GPC5: variants seen among roughly 807,000 people sequenced by gnomAD.
The protein encoded by GPC5 is glypican-5.
In GPC5, 47 loss-of-function variants were observed where a neutral mutation model predicts 53.9. That is an observed-to-expected ratio of 0.87 (90% CI 0.69 to 1.11). GPC5 has a LOEUF of 1.11. Ranked by LOEUF, GPC5 falls within the 50% of genes most tolerant of loss-of-function variation. The pLI is 0.00. For synonymous variants in GPC5, 286 were observed against 263.3 expected, an observed-to-expected ratio of 1.09 and a Z score of -0.84; for missense variants, 748 against 713.1, an observed-to-expected ratio of 1.05 and a Z score of -0.56.
chr13:92,214,834 GGAGA>G (rs2042398706), intron 7 of GPC5, among the ~76,000 whole-genome samples: 1 of 152,186 alleles, frequency 6.6e-6, no homozygotes, highest in Admixed American at 6.5e-5. Context: ...TTACAATGTG[GGAGA>G]GAGAGAAGAG....
At chr13:91,536,167 A>C (rs1012219659) in intron 2 of GPC5, among the ~76,000 whole-genome samples, 3 of 152,204 alleles carry the variant, frequency 2.0e-5, no homozygotes, top group African/African-American at 7.2e-5. Context: ...TGTTGGAGGA[A>C]GAACATTTGA....
chr13:92,175,759 A>G (rs909996014), intron 7 of GPC5, among the ~76,000 whole-genome samples: 1 of 152,066 alleles, frequency 6.6e-6, no homozygotes. Flanking sequence ...AAACCTAACT[A>G]TTGCCCTTGC....
intron 5 of GPC5, among the ~76,000 whole-genome samples, chr13:91,807,533 T>C (rs1814743082): frequency 6.6e-6 from 1 of 152,180 alleles, no homozygotes; most frequent in South Asian, 2.1e-4. Context: ...ACAATTTTGT[T>C]TCTGCTACTT....
intron 7 of GPC5, among the ~76,000 whole-genome samples, chr13:92,588,710 C>T (rs538885096): frequency 8.1e-4 from 124 of 152,248 alleles, no homozygotes; most frequent in African/African-American, 2.9e-3. Flanking sequence ...CATAAGACAA[C>T]TTAGAGAGTA....
intron 7 of GPC5, among the ~76,000 whole-genome samples, chr13:92,299,665 G>GC (rs1566527296): frequency 1.3e-5 from 2 of 151,932 alleles, no homozygotes; most frequent in Non-Finnish European, 2.9e-5. Flanking sequence ...TATTCCTGAA[G>GC]CCCCCCAAAA....
intron 7 of GPC5, among the ~76,000 whole-genome samples, chr13:92,721,166 A>AT: frequency 3.3e-5 from 5 of 151,992 alleles, no homozygotes; most frequent in Non-Finnish European, 7.4e-5. Flanking sequence ...TTCCTGGTGC[A>AT]CAGGGAAGAT....
intron 6 of GPC5, among the ~76,000 whole-genome samples, chr13:91,952,745 G>A (rs180900466): frequency 1.3e-4 from 20 of 152,158 alleles, no homozygotes; most frequent in Admixed American, 4.6e-4. Context: ...AAAAAAATAC[G>A]TAGTTTGATA....
In GPC5 at chr13:92,815,588, A is replaced by G. The variant is rs543844798; in HGVS notation, c.1562-50694A>G. Among the ~76,000 whole-genome samples, 3 of 151,992 alleles carry G rather than the reference A, an allele frequency of 2.0e-5. No homozygotes were observed. The East Asian group carries it at 5.8e-4, about 29-fold the overall frequency. On this transcript the variant is annotated intron_variant, in intron 7 of 7. Coordinates refer to ENST00000377067, the MANE Select transcript of GPC5 (RefSeq NM_004466.6). ...ACCAGTGGAATACTATAAGCAGGAA[A>G]GTTACAGGAGTTATAGTTGTATGTA...
intron 2 of GPC5, among the ~76,000 whole-genome samples, chr13:91,678,639 T>C (rs894086363): frequency 2.0e-5 from 3 of 152,074 alleles, no homozygotes; most frequent in Non-Finnish European, 4.4e-5. Flanking sequence ...ATAAATATGA[T>C]CGATGACTTG....
At chr13:92,504,798 GAATTAAACTTCAC>G (rs1566619169) in intron 7 of GPC5, among the ~76,000 whole-genome samples, 1 of 148,918 alleles carries the variant, frequency 6.7e-6, no homozygotes, top group African/African-American at 2.4e-5. Flanking sequence ...AAAGAGCACT[GAATTAAACTTCAC>G]AATTTATCTA....
intron 2 of GPC5, among the ~76,000 whole-genome samples, chr13:91,562,792 C>A (rs922885753): frequency 1.3e-5 from 2 of 151,906 alleles, no homozygotes; most frequent in African/African-American, 2.4e-5. Context: ...GCAGTTTGTT[C>A]TTAAAAATAA....
At chr13:91,484,305 T>C (rs1883471546) in intron 2 of GPC5, among the ~76,000 whole-genome samples, 1 of 152,172 alleles carries the variant, frequency 6.6e-6, no homozygotes, top group African/African-American at 2.4e-5. Context: ...TTCCAAAAAA[T>C]GACTAAAAAT....
chr13:91,856,659 G>A (rs995091414), intron 5 of GPC5, among the ~76,000 whole-genome samples: 1 of 151,192 alleles, frequency 6.6e-6, no homozygotes, highest in African/African-American at 2.4e-5. Flanking sequence ...TGATTGATGT[G>A]TAGGATTTCT....
At chr13:91,657,532 A>T (rs1295818780) in intron 2 of GPC5, among the ~76,000 whole-genome samples, 3 of 152,148 alleles carry the variant, frequency 2.0e-5, no homozygotes, top group Non-Finnish European at 4.4e-5. Flanking sequence ...AGGATCCTAC[A>T]GTACACACGA....
intron 6 of GPC5, among the ~76,000 whole-genome samples, chr13:92,077,717 C>T (rs927319282): frequency 2.0e-5 from 3 of 152,094 alleles, no homozygotes; most frequent in African/African-American, 7.2e-5. Flanking sequence ...TGCAGAAAGT[C>T]TGCAAATGTG....
intron 7 of GPC5, among the ~76,000 whole-genome samples, chr13:92,157,446 G>T (rs1464616751): frequency 2.0e-5 from 3 of 152,156 alleles, no homozygotes; most frequent in African/African-American, 7.2e-5. Context: ...CTGCTTCCCT[G>T]ACATAGAGAC....
At chr13:91,680,406 A>C (rs1724569531) in intron 2 of GPC5, among the ~76,000 whole-genome samples, 1 of 152,184 alleles carries the variant, frequency 6.6e-6, no homozygotes, top group South Asian at 2.1e-4. Flanking sequence ...CAAAGATCGC[A>C]ACACTGCACT....
chr13:91,609,421 C>A (rs2033478684), intron 2 of GPC5, among the ~76,000 whole-genome samples: 1 of 152,112 alleles, frequency 6.6e-6, no homozygotes, highest in South Asian at 2.1e-4. Flanking sequence ...GTACTGATTC[C>A]CAGGAGGGGA....
chr13:91,923,352 G>T (rs1358610697), intron 6 of GPC5, among the ~76,000 whole-genome samples: 1 of 152,174 alleles, frequency 6.6e-6, no homozygotes, highest in Non-Finnish European at 1.5e-5. Flanking sequence ...ATTTCTTGCA[G>T]TTCAGCAGCA....
Sources: allele counts gnomAD v4.1 joint callset (sites outside exome capture counted in the v4.1 genomes callset), GRCh38; gene constraint gnomAD v4.1.1; transcripts MANE v1.5; gene names NCBI Gene and HGNC (gene_info 2026-07-23, HGNC 2026-07-21).